Variants in PHKB observed in about 807,000 individuals in gnomAD.
PHKB encodes the protein phosphorylase b kinase regulatory subunit beta.
PHKB carries 122 observed loss-of-function variants against 152.1 expected under a neutral mutation model. The ratio of observed to expected loss-of-function variants is 0.80; its 90% CI spans 0.69 to 0.93. PHKB has a LOEUF of 0.93. PHKB is among the 40% of genes least tolerant of loss of function. The pLI is 0.00. For synonymous variants in PHKB, 436 were observed against 464.9 expected, an observed-to-expected ratio of 0.94 and a Z score of 0.80; for missense variants, 1,304 against 1,328.4, an observed-to-expected ratio of 0.98 and a Z score of 0.29.
intron 1 of PHKB, among the ~76,000 whole-genome samples, chr16:47,471,400 G>A (rs1969764851): frequency 6.6e-6 from 1 of 152,142 alleles, no homozygotes; most frequent in Non-Finnish European, 1.5e-5. Context: ...GAGTTGTAAG[G>A]CTGGATTAGT....
At chr16:47,588,796 C>T in intron 9 of PHKB, 109 bp from the exon 10 acceptor site, 1 of 891,524 alleles carries the variant, frequency 1.1e-6, no homozygotes, top group Non-Finnish European at 1.9e-6. Flanking sequence ...AGAGCGTGCT[C>T]ACTTTTGACT....
At chr16:47,505,925 C>T (rs1023414915) in intron 4 of PHKB, among the ~76,000 whole-genome samples, 3 of 148,180 alleles carry the variant, frequency 2.0e-5, no homozygotes, top group South Asian at 2.1e-4. Flanking sequence ...CCCACCTGCT[C>T]AGGAAGCTGA....
At chr16:47,626,874 A>G (rs1200012872) in intron 14 of PHKB, among the ~76,000 whole-genome samples, 1 of 152,206 alleles carries the variant, frequency 6.6e-6, no homozygotes, top group Non-Finnish European at 1.5e-5. Flanking sequence ...CTACAGCCAA[A>G]TGATAGAAAT....
intron 12 of PHKB, among the ~76,000 whole-genome samples, chr16:47,595,591 T>C (rs1399293555): frequency 6.6e-6 from 1 of 152,220 alleles, no homozygotes; most frequent in African/African-American, 2.4e-5. Context: ...ATTTCTTTGC[T>C]CTAGCAATGG....
intron 6 of PHKB, among the ~76,000 whole-genome samples, chr16:47,522,226 C>A (rs558938694): frequency 6.6e-6 from 1 of 152,134 alleles, no homozygotes; most frequent in South Asian, 2.1e-4. Flanking sequence ...TTTTTGATTA[C>A]CATTTCTCTT....
intron 10 of PHKB, 73 bp from the exon 11 acceptor site, chr16:47,593,427 G>A: frequency 1.2e-6 from 1 of 843,080 alleles, no homozygotes; most frequent in Non-Finnish European, 2.0e-6. Flanking sequence ...GCCACAGAGT[G>A]AGATCTTGTC....
intron 28 of PHKB, among the ~76,000 whole-genome samples, chr16:47,695,208 A>G (rs916939776): frequency 6.6e-6 from 1 of 152,194 alleles, no homozygotes; most frequent in South Asian, 2.1e-4. Flanking sequence ...AAGAGTAGGA[A>G]ATAAGGCAAG....
chr16:47,652,479 A>G (rs1162348742), intron 20 of PHKB, among the ~76,000 whole-genome samples: 1 of 150,900 alleles, frequency 6.6e-6, no homozygotes, highest in Non-Finnish European at 1.5e-5. Flanking sequence ...ACTGTTTTCC[A>G]CAGTGGCTAA....
chr16:47,669,184 G>T, intron 25 of PHKB, 31 bp from the exon 26 acceptor site: 2 of 1,560,600 alleles, frequency 1.3e-6, no homozygotes, highest in Non-Finnish European at 1.8e-6. Context: ...GTAGCTAGGA[G>T]AATTTTACAA....
At position 47,693,479 on chromosome 16, in the gene PHKB, T is replaced by A; in HGVS notation, c.2867T>A (p.Ile956Asn). 7 of 1,614,008 alleles carry A rather than the reference T, an allele frequency of 4.3e-6. No homozygotes were observed. The Middle Eastern group carries it at 5.0e-4, about 114-fold the overall frequency. The part of the protein sequence containing the change: ...WQILERTPNG[I>N]IVAGKHLPQQ... Reference sequence around the variant, plus strand: ...ATTCTGGAGCGCACGCCCAATGGGATCATTGTTGCTGGGAAGCATTTGCCT... The same window carrying A: ...ATTCTGGAGCGCACGCCCAATGGGAACATTGTTGCTGGGAAGCATTTGCCT... Residue 956 changes from isoleucine (I) to asparagine (N), a missense_variant, in exon 28 of 31, where the codon ATC (isoleucine) becomes AAC (asparagine). Coordinates refer to ENST00000323584, the MANE Select transcript of PHKB (RefSeq NM_000293.3).
chr16:47,581,086 A>G (rs1247358235), intron 8 of PHKB, among the ~76,000 whole-genome samples: 1 of 152,212 alleles, frequency 6.6e-6, no homozygotes, highest in African/African-American at 2.4e-5. Context: ...TCTAACTGAG[A>G]ATAAAATTAA....
rs150158399 is a variant in PHKB, at chr16:47,690,106, G to A, written c.2765+931G>A. Among the ~76,000 whole-genome samples the A allele has an allele frequency of 3.3e-3, 502 of 152,284 alleles. 3 individuals are homozygous for A. The highest frequency in any genetic ancestry group is 0.011 in the African/African-American group (477 of 41,552). ...AACAGACAAATAGAAGAGTTGAACA[G>A]TATAGAAAGTCCAGAAATAGACCCC... is the stretch of plus-strand genomic sequence containing the variant. On this transcript the variant is annotated intron_variant, in intron 27 of 30. Transcript: ENST00000323584.
intron 6 of PHKB, among the ~76,000 whole-genome samples, chr16:47,539,197 C>T (rs1029268832): frequency 6.6e-6 from 1 of 152,104 alleles, no homozygotes; most frequent in African/African-American, 2.4e-5. Context: ...GCTCTGACTC[C>T]TGGCCCTTTG....
intron 6 of PHKB, among the ~76,000 whole-genome samples, chr16:47,530,714 A>C (rs1396509290): frequency 6.6e-6 from 1 of 152,188 alleles, no homozygotes; most frequent in East Asian, 1.9e-4. Context: ...AATTGGTCTA[A>C]TGTAAAGTAA....
At chr16:47,589,263 AAAT>A (rs1391630621) in intron 10 of PHKB, among the ~76,000 whole-genome samples, 161 bp downstream of exon 10, 2 of 152,228 alleles carry the variant, frequency 1.3e-5, no homozygotes, top group African/African-American at 2.4e-5. Flanking sequence ...TTCATTTGTA[AAAT>A]AATAATAGTA....
intron 6 of PHKB, among the ~76,000 whole-genome samples, chr16:47,524,431 C>G (rs796519891): frequency 4.6e-5 from 7 of 152,264 alleles, no homozygotes; most frequent in African/African-American, 1.7e-4. Flanking sequence ...CATCTATATA[C>G]AACACTTTTA....
intron 5 of PHKB, among the ~76,000 whole-genome samples, chr16:47,514,413 C>T (rs1188379435): frequency 6.6e-6 from 1 of 152,180 alleles, no homozygotes; most frequent in Non-Finnish European, 1.5e-5. Context: ...CCCAAAAGCC[C>T]AGCGAGCCAC....
intron 1 of PHKB, among the ~76,000 whole-genome samples, chr16:47,487,784 T>C (rs1970074497): frequency 6.6e-6 from 1 of 152,210 alleles, no homozygotes; most frequent in Non-Finnish European, 1.5e-5. Context: ...TCCATTTTTT[T>C]ATGGCTGCAT....
At chr16:47,672,919 ATTT>A (rs1973661722) in intron 26 of PHKB, among the ~76,000 whole-genome samples, 1 of 152,134 alleles carries the variant, frequency 6.6e-6, no homozygotes, top group Non-Finnish European at 1.5e-5. Context: ...GTGACTTAGT[ATTT>A]AACAGTCAAC....
Sources: allele counts gnomAD v4.1 joint callset (sites outside exome capture counted in the v4.1 genomes callset), GRCh38; gene constraint gnomAD v4.1.1; transcripts MANE v1.5; gene names NCBI Gene and HGNC (gene_info 2026-07-23, HGNC 2026-07-21).